L3MBTL4: variants seen among roughly 807,000 people sequenced by gnomAD.
The protein encoded by L3MBTL4 is L3MBTL histone methyl-lysine binding protein 4.
L3MBTL4 carries 70 observed loss-of-function variants against 84.5 expected under a neutral mutation model. The ratio of observed to expected loss-of-function variants is 0.83; its 90% CI spans 0.68 to 1.01. L3MBTL4 has a LOEUF of 1.01. Ranked by LOEUF, L3MBTL4 falls within the 50% of genes least tolerant of loss-of-function variation. The pLI, the probability that L3MBTL4 is intolerant of heterozygous loss-of-function variation, is 0.00. For missense variants in L3MBTL4, 715 were observed against 754.8 expected, an observed-to-expected ratio of 0.95 and a Z score of 0.62; for synonymous variants, 274 against 259.8, an observed-to-expected ratio of 1.05 and a Z score of -0.52.
chr18:6,283,488 A>AT (rs1425342366), intron 4 of L3MBTL4, among the ~76,000 whole-genome samples: 1 of 152,176 alleles, frequency 6.6e-6, no homozygotes, highest in East Asian at 1.9e-4. Context: ...AGGAAATATT[A>AT]TTTAATTTAA....
intron 1 of L3MBTL4, among the ~76,000 whole-genome samples, chr18:6,354,510 G>C (rs913807321): frequency 1.3e-5 from 2 of 152,058 alleles, no homozygotes; most frequent in Non-Finnish European, 2.9e-5. Flanking sequence ...GAATGGGAGA[G>C]AATATTTGCA....
chr18:6,038,100 CAGAG>C (rs1347859760), intron 16 of L3MBTL4, among the ~76,000 whole-genome samples: 2 of 151,982 alleles, frequency 1.3e-5, no homozygotes, highest in African/African-American at 2.4e-5. Flanking sequence ...AGTTCAATGA[CAGAG>C]AGAGAAGGGC....
chr18:6,168,341 T>G (rs1311373566), intron 13 of L3MBTL4, among the ~76,000 whole-genome samples: 1 of 152,122 alleles, frequency 6.6e-6, no homozygotes, highest in Non-Finnish European at 1.5e-5. Context: ...AAAGTTCATA[T>G]GGAACCAAAA....
intron 1 of L3MBTL4, among the ~76,000 whole-genome samples, chr18:6,387,849 G>T (rs1057217299): frequency 1.3e-5 from 2 of 152,090 alleles, no homozygotes; most frequent in South Asian, 4.1e-4. Context: ...CAATTATTCT[G>T]AAAAAGAGAG....
chr18:6,193,171 G>C (rs1333511497), intron 12 of L3MBTL4, among the ~76,000 whole-genome samples: 2 of 152,072 alleles, frequency 1.3e-5, no homozygotes, highest in Non-Finnish European at 2.9e-5. Context: ...ACATCCAAGA[G>C]AGAAGGGCAA....
intron 13 of L3MBTL4, among the ~76,000 whole-genome samples, chr18:6,156,490 G>A (rs1768976905): frequency 6.7e-6 from 1 of 148,656 alleles, no homozygotes; most frequent in South Asian, 2.1e-4. Flanking sequence ...GGTGACGTAG[G>A]GCAGGGATAT....
At chr18:6,253,307 G>A (rs1190601041) in intron 5 of L3MBTL4, among the ~76,000 whole-genome samples, 1 of 152,224 alleles carries the variant, frequency 6.6e-6, no homozygotes, top group Non-Finnish European at 1.5e-5. Context: ...TGCTCTGTTT[G>A]CACACTGGTC....
At chr18:6,154,057 T>C (rs1184466199) in intron 13 of L3MBTL4, among the ~76,000 whole-genome samples, 2 of 152,208 alleles carry the variant, frequency 1.3e-5, no homozygotes, top group African/African-American at 4.8e-5. Flanking sequence ...CATTTCTTTT[T>C]CTTCTCTAAT....
chr18:6,030,260 C>A (rs8084935), intron 16 of L3MBTL4: 47,806 of 978,184 alleles, frequency 0.049, 1,465 homozygotes, highest in African/African-American at 0.14. Context: ...AGAGATACCC[C>A]CTTATACCTG....
At position 6,093,519 on chromosome 18, in the gene L3MBTL4, G is replaced by C; in HGVS notation, c.1209C>G (p.Gly403=). 6.2e-7 allele frequency: 1 copy of C among 1,612,178 alleles called. No homozygotes were observed. Residue 403 remains glycine (G), a synonymous_variant, in exon 15 of 19, where the codon GGC becomes GGG. Transcript: ENST00000317931. The part of the protein sequence containing the change: ...PRYSGHHSAF[G]CPYSDMNLKK... ...TCAAGTTCATGTCTGAATACGGGCA[G>C]CCAAAAGCACTGGTTTGTATAAAAA...
intron 1 of L3MBTL4, chr18:6,398,137 A>G (rs2055353024): frequency 3.3e-5 from 5 of 152,222 alleles, no homozygotes. Flanking sequence ...GACGGGCACC[A>G]CTGCACTCCA....
intron 5 of L3MBTL4, among the ~76,000 whole-genome samples, chr18:6,250,684 T>G (rs778623221): frequency 1.4e-4 from 22 of 152,178 alleles, no homozygotes; most frequent in Admixed American, 3.3e-4. Context: ...GAGGCACACA[T>G]TTTAACATGT....
intron 3 of L3MBTL4, among the ~76,000 whole-genome samples, chr18:6,304,287 A>G (rs2050484910): frequency 1.3e-5 from 2 of 152,322 alleles, no homozygotes; most frequent in South Asian, 4.1e-4. Flanking sequence ...TCTGGTATCT[A>G]GTCTAGGTCG....
intron 1 of L3MBTL4, among the ~76,000 whole-genome samples, chr18:6,398,745 G>GGGGGGC (rs1035831319): frequency 2.7e-5 from 4 of 150,694 alleles, no homozygotes; most frequent in Admixed American, 6.6e-5. Flanking sequence ...CTTCATTGCG[G>GGGGGGC]GGGGGCGGGG....
rs565526402 is a variant in L3MBTL4 at position 5,979,822 on chromosome 18, G to T, written c.1445-10260C>A. Among the ~76,000 whole-genome samples, 4 of 152,308 alleles carry T rather than the reference G, an allele frequency of 2.6e-5. No individual in the cohort carries two copies. In the East Asian group the frequency reaches 7.7e-4, roughly 29 times the overall value. On this transcript the variant is annotated intron_variant, in intron 16 of 18. Coordinates refer to ENST00000317931, the MANE Select transcript of L3MBTL4 (RefSeq NM_001330559.2). ...ACTCAGCATCTGAATCTCAAGACAG[G>T]TCCCTGGAGGTATTGTCAGATTTAT... is the stretch of plus-strand genomic sequence containing the variant.
chr18:6,238,490 G>A (rs562977388), intron 9 of L3MBTL4, among the ~76,000 whole-genome samples: 13 of 152,086 alleles, frequency 8.5e-5, no homozygotes, highest in Admixed American at 5.2e-4. Context: ...CCAAGATCGC[G>A]CCACTGCACT....
intron 1 of L3MBTL4, among the ~76,000 whole-genome samples, chr18:6,349,793 G>C (rs2053091437): frequency 6.6e-6 from 1 of 152,176 alleles, no homozygotes; most frequent in Non-Finnish European, 1.5e-5. Context: ...AACTGAGGGA[G>C]AGTAATCACC....
At position 6,243,428 on chromosome 18, in the gene L3MBTL4, A is replaced by G; in HGVS notation, c.326T>C (p.Val109Ala). 3 of 1,592,766 alleles carry G rather than the reference A, an allele frequency of 1.9e-6. No individual in the cohort carries two copies. The highest frequency in any genetic ancestry group is 2.6e-6 in the Non-Finnish European group (3 of 1,171,772). ...ATGAAGTCTTAGACGGTAACCACAAACCTGCAAGATAGAAAGTTTACAATC... is the reference window on the plus strand; with the variant it reads ...ATGAAGTCTTAGACGGTAACCACAAGCCTGCAAGATAGAAAGTTTACAATC... ...SVFCVLSVAE[V>A]CGYRLRLHFD... The change falls in exon 7 of 19, where the codon GTT (valine) becomes GCT (alanine). Residue 109 changes from valine to alanine, a missense_variant and splice_region_variant. Coordinates refer to ENST00000317931, the MANE Select transcript of L3MBTL4 (RefSeq NM_001330559.2).
intron 12 of L3MBTL4, among the ~76,000 whole-genome samples, chr18:6,201,042 G>T (rs2045628218): frequency 6.6e-6 from 1 of 152,140 alleles, no homozygotes; most frequent in Non-Finnish European, 1.5e-5. Context: ...AATGCCAGGT[G>T]CTATTCCATA....
Sources: gnomAD v4.1 joint callset for allele counts (sites outside exome capture counted in the v4.1 genomes callset) on GRCh38, gnomAD v4.1.1 for gene constraint, MANE v1.5 for transcripts, NCBI Gene and HGNC (gene_info 2026-07-23, HGNC 2026-07-21) for gene names.